FAM53B: variants seen among roughly 807,000 people sequenced by gnomAD.
FAM53B encodes protein FAM53B.
Under a neutral mutation model 32.7 loss-of-function variants are expected in FAM53B, and 12 were observed. That is an observed-to-expected ratio of 0.37 (90% CI 0.24 to 0.59). The LOEUF (loss-of-function observed/expected upper bound fraction) is 0.59. FAM53B is among the 20% of genes least tolerant of loss of function. The probability of loss-of-function intolerance (pLI) is 0.72; values close to 1 mark genes in which losing one functional copy is unlikely to be tolerated. For missense variants in FAM53B, 477 were observed against 577.7 expected, an observed-to-expected ratio of 0.83 and a Z score of 1.79; for synonymous variants, 234 against 228.7, an observed-to-expected ratio of 1.02 and a Z score of -0.21.
intron 4 of FAM53B, among the ~76,000 whole-genome samples, chr10:124,668,220 C>G (rs1340308516): frequency 6.6e-6 from 1 of 152,270 alleles, no homozygotes; most frequent in African/African-American, 2.4e-5. Context: ...ACAGTTAATG[C>G]TGCATAATCA....
At chr10:124,657,698 T>C (rs1171906012) in intron 4 of FAM53B, among the ~76,000 whole-genome samples, 1 of 152,256 alleles carries the variant, frequency 6.6e-6, no homozygotes, top group African/African-American at 2.4e-5. Flanking sequence ...TTGTGCCCTC[T>C]ACTAACAAGA....
intron 1 of FAM53B, among the ~76,000 whole-genome samples, chr10:124,728,100 G>A (rs531300952): frequency 7.4e-4 from 112 of 152,248 alleles, no homozygotes; most frequent in African/African-American, 2.4e-3. Context: ...GATCTCCATG[G>A]ACTCGCTTGG....
At chr10:124,711,691 G>A (rs1458308827) in intron 1 of FAM53B, among the ~76,000 whole-genome samples, 4 of 152,136 alleles carry the variant, frequency 2.6e-5, no homozygotes, top group African/African-American at 4.8e-5. Flanking sequence ...GGGGAGGAAC[G>A]TGTGTGTGGA....
chr10:124,628,700 G>A (rs567387342), intron 4 of FAM53B, among the ~76,000 whole-genome samples: 5 of 152,292 alleles, frequency 3.3e-5, no homozygotes, highest in South Asian at 2.1e-4. Flanking sequence ...TGCCCCTTCC[G>A]GAACTACTCT....
At chr10:124,639,346 A>G (rs1430170860) in intron 4 of FAM53B, among the ~76,000 whole-genome samples, 1 of 152,210 alleles carries the variant, frequency 6.6e-6, no homozygotes, top group Non-Finnish European at 1.5e-5. Flanking sequence ...GGCTGAGGAC[A>G]GGGCCCATCC....
At chr10:124,667,300 T>C (rs1332156454) in intron 4 of FAM53B, 1 of 666,498 alleles carries the variant, frequency 1.5e-6, no homozygotes, top group African/African-American at 1.8e-5. Flanking sequence ...TCTTAATAAC[T>C]GGCTACTAGG....
chr10:124,678,372 C>T (rs536757937), intron 4 of FAM53B, among the ~76,000 whole-genome samples: 2 of 152,348 alleles, frequency 1.3e-5, no homozygotes, highest in East Asian at 1.9e-4. Flanking sequence ...TATAAACACA[C>T]ACCCATATGG....
At chr10:124,657,108 A>ATG (rs372575483) in intron 4 of FAM53B, among the ~76,000 whole-genome samples, 38,381 of 136,956 alleles carry the variant, frequency 0.28, 6,397 homozygotes, top group South Asian at 0.4. Context: ...GTGTATATAT[A>ATG]TGTGTGTGTG....
intron 4 of FAM53B, 116 bp from the exon 5 acceptor site, chr10:124,623,720 G>A (rs4962672): frequency 0.12 from 145,209 of 1,246,736 alleles, 8,880 homozygotes; most frequent in Admixed American, 0.18. Flanking sequence ...ATCAAGTCCC[G>A]GGTTCCTCCT....
intron 4 of FAM53B, among the ~76,000 whole-genome samples, chr10:124,661,124 T>C (rs1338059602): frequency 6.6e-6 from 1 of 150,826 alleles, no homozygotes; most frequent in Non-Finnish European, 1.5e-5. Context: ...TGCTGACCCC[T>C]TCTCTGAGGT....
At chr10:124,655,859 G>A (rs562394146) in intron 4 of FAM53B, among the ~76,000 whole-genome samples, 1 of 152,266 alleles carries the variant, frequency 6.6e-6, no homozygotes, top group South Asian at 2.1e-4. Flanking sequence ...TCTTAATATT[G>A]TCTATCTGTC....
intron 1 of FAM53B, among the ~76,000 whole-genome samples, chr10:124,729,458 C>T (rs1950127508): frequency 6.6e-6 from 1 of 152,232 alleles, no homozygotes; most frequent in Non-Finnish European, 1.5e-5. Context: ...GCACTTCCTT[C>T]ATGCAACTAT....
chr10:124,723,869 GA>G (rs1264965365), intron 1 of FAM53B, among the ~76,000 whole-genome samples: 1 of 152,194 alleles, frequency 6.6e-6, no homozygotes, highest in Non-Finnish European at 1.5e-5. Flanking sequence ...CTTTTACTCA[GA>G]AACAAAAAGT....
chr10:124,660,321 A>G (rs992928169), intron 4 of FAM53B, among the ~76,000 whole-genome samples: 2 of 152,236 alleles, frequency 1.3e-5, no homozygotes, highest in African/African-American at 4.8e-5. Flanking sequence ...AACACAAGAC[A>G]GCTTGGAAAA....
chr10:124,673,911 T>G (rs72842382), intron 4 of FAM53B, among the ~76,000 whole-genome samples: 2 of 152,314 alleles, frequency 1.3e-5, no homozygotes, highest in Non-Finnish European at 2.9e-5. Context: ...GGCAGATGCA[T>G]GCATGGTCAG....
Position 124,682,400 on chromosome 10 carries a change from A to G in FAM53B, c.134-21T>C. The stretch of plus-strand genomic sequence containing the variant: ...ATTTTCTGGTTCATAAATGACAAGG[A>G]GAAAACAGGATTTGAGAAGACCTTC... On this transcript the variant is annotated intron_variant, in intron 3 of 4. Transcript: ENST00000337318. The surrounding 1 kb of genome is among the most constrained non-coding windows in gnomAD (Gnocchi z 5.2). 1 of 1,576,988 alleles carries G rather than the reference A, an allele frequency of 6.3e-7. No individual in the cohort carries two copies.
At chr10:124,672,930 T>A (rs1357835005) in intron 4 of FAM53B, among the ~76,000 whole-genome samples, 1 of 152,116 alleles carries the variant, frequency 6.6e-6, no homozygotes, top group Non-Finnish European at 1.5e-5. Flanking sequence ...AGAAATACAG[T>A]CAAAGTGAGG....
rs1254596977 is a variant in FAM53B, at chr10:124,681,956, A to G, written c.557T>C (p.Leu186Pro). The G allele has an allele frequency of 1.9e-6, 3 of 1,613,876 alleles. No individual in the cohort carries two copies. Among genetic ancestry groups the G allele is most frequent in the Middle Eastern group, 1.6e-4 (1 of 6,084 alleles). The stretch of plus-strand genomic sequence containing the variant: ...GGGCTGCCCTCCAAATCGGTGGTGG[A>G]GTCCTGCCTGGTCGCAGGGTGAGGA... ...VLSSPCDQAGLHHRFGGQPCQ... is the reference protein window; with the variant it reads ...VLSSPCDQAGPHHRFGGQPCQ... The change falls in exon 4 of 5, where the codon CTC (leucine) becomes CCC (proline). Residue 186 changes from leucine (L) to proline (P), a missense_variant. Leu to Pro is a moderately conservative substitution (Grantham distance 98). Around this residue, in one of 2 missense-constraint regions of FAM53B, gnomAD observed 312 missense variants for 420.2 expected, o/e 0.74. Transcript: ENST00000337318.
rs913789085 is a variant in FAM53B, at chr10:124,706,506, G to A, written c.78+130C>T. The A allele has an allele frequency of 3.1e-5, 34 of 1,102,510 alleles. No individual in the cohort carries two copies. The Middle Eastern group carries it at 8.1e-4, about 26-fold the overall frequency. The allele number at this position is 1,102,510 out of a possible 1,614,324, so 68.3% of individuals were successfully genotyped here. ...GTGCCCTGTTGCCCCAGCCCGGGAC[G>A]CCTCACAGAGCTTTGCTCTTGGGGA... On this transcript the variant is annotated intron_variant, in intron 2 of 4. Coordinates refer to ENST00000337318, the MANE Select transcript of FAM53B (RefSeq NM_014661.4).
Sources: gnomAD v4.1 joint callset for allele counts (sites outside exome capture counted in the v4.1 genomes callset) on GRCh38, gnomAD v4.1.1 for gene constraint, gnomAD v4.1.1 regional missense constraint, Gnocchi (gnomAD v3.1) non-coding constraint, MANE v1.5 for transcripts, NCBI Gene and HGNC (gene_info 2026-07-23, HGNC 2026-07-21) for gene names.